Variants in DIAPH3 observed in about 807,000 individuals in gnomAD.
The protein encoded by DIAPH3 is protein diaphanous homolog 3.
Under a neutral mutation model 144.3 loss-of-function variants are expected in DIAPH3, and 117 were observed. That is an observed-to-expected ratio of 0.81 (90% CI 0.70 to 0.95). DIAPH3 has a LOEUF of 0.95. Ranked by LOEUF, DIAPH3 falls within the 40% of genes least tolerant of loss-of-function variation. The pLI, the probability that DIAPH3 is intolerant of heterozygous loss-of-function variation, is 0.00. For synonymous variants in DIAPH3, 519 were observed against 488.9 expected, an observed-to-expected ratio of 1.06 and a Z score of -0.81; for missense variants, 1,421 against 1,412.7, an observed-to-expected ratio of 1.01 and a Z score of -0.09.
chr13:59,925,300 T>C lies in DIAPH3; in HGVS notation c.2075-430A>G, dbSNP rs2047700566. On this transcript the variant is annotated intron_variant, in intron 17 of 27. Coordinates refer to ENST00000400324, the MANE Select transcript of DIAPH3 (RefSeq NM_001042517.2). The stretch of plus-strand genomic sequence containing the variant: ...ACTAAAACAGTCATTTTATGTCTAA[T>C]ATACAATACCATTCTTATTTAAAAA... Among the ~76,000 whole-genome samples the C allele has an allele frequency of 2.0e-5, 3 of 152,182 alleles. No individual in the cohort carries two copies. In the South Asian group the frequency reaches 6.2e-4, roughly 32 times the overall value.
intron 4 of DIAPH3, among the ~76,000 whole-genome samples, chr13:60,056,679 C>A (rs1029806618): frequency 1.3e-5 from 2 of 151,634 alleles, no homozygotes; most frequent in Non-Finnish European, 3.0e-5. Context: ...CCAGATGATC[C>A]TGGAAGACAG....
In DIAPH3 at chr13:59,798,400, T is replaced by C. The variant is rs920271745; in HGVS notation, c.3163+12388A>G. On this transcript the variant is annotated intron_variant, in intron 25 of 27. Coordinates refer to ENST00000400324, the MANE Select transcript of DIAPH3 (RefSeq NM_001042517.2). ...TTTCTTGACTTCCAATTTAGCATCA[T>C]TTCTGCCCATAGTTCTACCCAAAGA... Among the ~76,000 whole-genome samples, 3 of 152,224 alleles carry C rather than the reference T, an allele frequency of 2.0e-5. No homozygotes were observed. The South Asian group carries it at 6.2e-4, about 32-fold the overall frequency.
intron 27 of DIAPH3, among the ~76,000 whole-genome samples, chr13:59,717,717 T>C (rs1328469090): frequency 6.6e-6 from 1 of 152,076 alleles, no homozygotes; most frequent in African/African-American, 2.4e-5. Flanking sequence ...ACCTCAACAT[T>C]GTTAGGTGGC....
chr13:59,737,556 A>G (rs2036219088), intron 27 of DIAPH3, among the ~76,000 whole-genome samples: 1 of 152,202 alleles, frequency 6.6e-6, no homozygotes. Context: ...AGATAGTATC[A>G]TAGTGAGTAA....
chr13:59,961,296 T>C (rs2049739242), intron 17 of DIAPH3, among the ~76,000 whole-genome samples: 1 of 152,200 alleles, frequency 6.6e-6, no homozygotes, highest in Non-Finnish European at 1.5e-5. Flanking sequence ...ACAATATGCA[T>C]TATATAATCC....
At chr13:59,782,517 T>G (rs1369951828) in intron 25 of DIAPH3, among the ~76,000 whole-genome samples, 3 of 152,130 alleles carry the variant, frequency 2.0e-5, no homozygotes, top group African/African-American at 7.2e-5. Flanking sequence ...GCCTATTATA[T>G]TTAATTTAGG....
chr13:60,033,892 T>C (rs1365023602), intron 5 of DIAPH3, among the ~76,000 whole-genome samples: 1 of 152,216 alleles, frequency 6.6e-6, no homozygotes. Context: ...CTTAAAAAGT[T>C]TTCTGAATGA....
chr13:60,022,842 C>T (rs2054121095), intron 5 of DIAPH3, among the ~76,000 whole-genome samples: 1 of 152,146 alleles, frequency 6.6e-6, no homozygotes, highest in Non-Finnish European at 1.5e-5. Flanking sequence ...TCATTATGAA[C>T]AAGTGTTGAA....
intron 13 of DIAPH3, 49 bp from the exon 14 acceptor site, chr13:59,980,908 A>T: frequency 6.9e-7 from 1 of 1,459,738 alleles, no homozygotes; most frequent in South Asian, 1.1e-5. Context: ...TCTTAAACTC[A>T]TTATGACTTC....
intron 22 of DIAPH3, among the ~76,000 whole-genome samples, chr13:59,840,306 G>T (rs1409544955): frequency 6.6e-6 from 1 of 152,068 alleles, no homozygotes; most frequent in Non-Finnish European, 1.5e-5. Flanking sequence ...TTTAAAGAAT[G>T]AATACAGTAA....
chr13:59,934,694 G>A (rs1346623844), intron 17 of DIAPH3, among the ~76,000 whole-genome samples: 1 of 96,916 alleles, frequency 1.0e-5, no homozygotes, highest in African/African-American at 4.5e-5. Flanking sequence ...TATAAATCAG[G>A]AAACCTAAGC....
rs559622163 is a variant in DIAPH3 at position 60,058,785 on chromosome 13, T to C, written c.496-15965A>G. ...GATGGATCTGGAGGCCATGATTCTA[T>C]GTAAGTAACTCAGGAATTGAAAATC... On this transcript the variant is annotated intron_variant, in intron 4 of 27. Coordinates refer to ENST00000400324, the MANE Select transcript of DIAPH3 (RefSeq NM_001042517.2). Among the ~76,000 whole-genome samples, 7 of 152,124 alleles carry C rather than the reference T, an allele frequency of 4.6e-5. No individual in the cohort carries two copies. In the East Asian group the frequency reaches 9.7e-4, roughly 21 times the overall value.
At chr13:59,957,272 C>A (rs1314870636) in intron 17 of DIAPH3, among the ~76,000 whole-genome samples, 1 of 152,068 alleles carries the variant, frequency 6.6e-6, no homozygotes, top group Non-Finnish European at 1.5e-5. Context: ...TCTCATAATC[C>A]CCACGTGTTG....
chr13:59,925,113 A>G (rs1465615249), intron 17 of DIAPH3, among the ~76,000 whole-genome samples: 2 of 152,124 alleles, frequency 1.3e-5, no homozygotes, highest in African/African-American at 4.8e-5. Context: ...AAAAACAAAA[A>G]TAAAACTTAT....
At chr13:59,757,785 A>G (rs2037365657) in intron 27 of DIAPH3, among the ~76,000 whole-genome samples, 1 of 152,198 alleles carries the variant, frequency 6.6e-6, no homozygotes, top group African/African-American at 2.4e-5. Flanking sequence ...GACAATATTC[A>G]TAACACAAGT....
In DIAPH3 at chr13:59,709,730, C is replaced by G. The variant is rs1566205452; in HGVS notation, c.3320-42884G>C. Among the ~76,000 whole-genome samples the G allele has an allele frequency of 2.0e-5, 3 of 152,282 alleles. No individual in the cohort carries two copies. In the South Asian group the frequency reaches 6.2e-4, roughly 32 times the overall value. On this transcript the variant is annotated intron_variant, in intron 27 of 27. Transcript: ENST00000400324. ...GAACTAGAAATACCATTTGACCCAG[C>G]CATCCCATTACTGGGTATATACCCA... is the stretch of plus-strand genomic sequence containing the variant.
chr13:59,785,042 AC>A (rs1230418059), intron 25 of DIAPH3, among the ~76,000 whole-genome samples: 1 of 152,234 alleles, frequency 6.6e-6, no homozygotes, highest in Non-Finnish European at 1.5e-5. Context: ...ATAACTTCAA[AC>A]AAAGTCTTTG....
chr13:60,140,280 T>C (rs1341409277), intron 1 of DIAPH3, among the ~76,000 whole-genome samples: 3 of 152,212 alleles, frequency 2.0e-5, no homozygotes, highest in Admixed American at 6.5e-5. Context: ...AACAATTTGG[T>C]AAAACAAATC....
intron 25 of DIAPH3, among the ~76,000 whole-genome samples, chr13:59,779,829 T>C (rs142726525): frequency 6.6e-6 from 1 of 152,252 alleles, no homozygotes; most frequent in African/African-American, 2.4e-5. Flanking sequence ...AAGTCTTTTA[T>C]AGTGTATTCT....
Sources: allele counts gnomAD v4.1 joint callset (sites outside exome capture counted in the v4.1 genomes callset), GRCh38; gene constraint gnomAD v4.1.1; transcripts MANE v1.5; gene names NCBI Gene and HGNC (gene_info 2026-07-23, HGNC 2026-07-21).